Variants in NCKAP5 observed in about 807,000 individuals in gnomAD.
NCKAP5 encodes nck-associated protein 5.
In NCKAP5, 92 loss-of-function variants were observed where a neutral mutation model predicts 167.0. That is an observed-to-expected ratio of 0.55 (90% CI 0.47 to 0.66). The LOEUF is 0.66. Among genes scored for constraint, NCKAP5 ranks in the 30% least tolerant of loss-of-function variants. NCKAP5 has a pLI of 0.00. For missense variants in NCKAP5, 2,378 were observed against 2,315.0 expected (o/e 1.03, Z -0.56); for synonymous variants, 891 against 877.4 (o/e 1.02, Z -0.27).
Position 132,785,430 on chromosome 2 carries a change from A to C in NCKAP5, c.1381T>G (p.Cys461Gly). The C allele has an allele frequency of 6.2e-7, 1 of 1,613,854 alleles. No homozygotes were observed. The highest frequency in any genetic ancestry group is 1.6e-4 in the Middle Eastern group (1 of 6,062). The part of the protein sequence containing the change: ...PCKTADLGSP[C>G]KEPHKTFVYD... ...ACAAATGTCTTGTGGGGTTCCTTGC[A>C]GGGGCTCCCCAGGTCAGCTGTTTTG... Residue 461 changes from cysteine to glycine, a missense_variant, in exon 14 of 20, where the codon TGC becomes GGC. Physicochemically the swap from Cys to Gly is radical, Grantham distance 159 (BLOSUM62 -3). Around this residue, in one of 3 missense-constraint regions of NCKAP5, gnomAD observed 1,049 missense variants for 1,023.4 expected, o/e 1.02. Transcript: ENST00000409261.
chr2:133,295,855 A>C (rs532403513), intron 4 of NCKAP5, among the ~76,000 whole-genome samples: 1 of 152,324 alleles, frequency 6.6e-6, no homozygotes, highest in African/African-American at 2.4e-5. Flanking sequence ...GGCACTCTGC[A>C]TTCAGATTTT....
intron 5 of NCKAP5, among the ~76,000 whole-genome samples, chr2:133,181,603 C>CAAAAAAAAAAAAAAAAAAAAAAAAAAA (rs34264277): frequency 1.4e-5 from 1 of 71,158 alleles, no homozygotes; most frequent in African/African-American, 5.8e-5. Flanking sequence ...CCCATCTCTA[C>CAAAAAAAAAAAAAAAAAAAAAAAAAAA]AAAAAAAAAA....
intron 11 of NCKAP5, among the ~76,000 whole-genome samples, chr2:132,837,206 T>G (rs1297490212): frequency 6.6e-6 from 1 of 152,192 alleles, no homozygotes; most frequent in African/African-American, 2.4e-5. Context: ...TTCCCCCATG[T>G]GTTCTAAAGC....
At chr2:132,825,726 G>A (rs1687079530) in intron 11 of NCKAP5, among the ~76,000 whole-genome samples, 1 of 152,206 alleles carries the variant, frequency 6.6e-6, no homozygotes, top group African/African-American at 2.4e-5. Context: ...GTCTTACTGT[G>A]AGATGGGAGG....
In NCKAP5 at chr2:132,782,972, G is replaced by A. The variant is rs780909681; in HGVS notation, c.3839C>T (p.Thr1280Ile). The change falls in exon 14 of 20, where the codon ACA becomes ATA. Residue 1280 changes from threonine to isoleucine, a missense_variant. By Grantham distance (89) the Thr-to-Ile change is moderately conservative. Around this residue, in one of 3 missense-constraint regions of NCKAP5, gnomAD observed 1,325 missense variants for 1,274.5 expected, o/e 1.04. Transcript: ENST00000409261. The part of the protein sequence containing the change: ...GAKARSHSFS[T>I]HSGDKPSTPP... ...CGTAGAAGGCTTGTCTCCTGAGTGT[G>A]TACTGAAGCTGTGGCTGCGGGCTTT... is the stretch of plus-strand genomic sequence containing the variant. 1.9e-6 allele frequency: 3 copies of A among 1,613,874 alleles called. No homozygotes were observed. The highest frequency in any genetic ancestry group is 1.3e-5 in the African/African-American group (1 of 74,938).
chr2:133,074,837 A>G (rs1374393238), intron 6 of NCKAP5, among the ~76,000 whole-genome samples: 1 of 152,200 alleles, frequency 6.6e-6, no homozygotes, highest in Admixed American at 6.5e-5. Context: ...TCAGAGACCT[A>G]TGGGACACTA....
intron 8 of NCKAP5, 88 bp from the exon 9 acceptor site, chr2:132,879,004 TC>T (rs1691542677): frequency 1.0e-6 from 1 of 988,594 alleles, no homozygotes; most frequent in Non-Finnish European, 1.6e-6. Flanking sequence ...TAAATATATC[TC>T]CTCGTGATCC....
the NCKAP5 span, among the ~76,000 whole-genome samples, chr2:133,613,883 T>C: frequency 6.6e-6 from 1 of 152,214 alleles, no homozygotes; most frequent in South Asian, 2.1e-4. Context: ...TAGAAAACAG[T>C]ACTCCTTTTC....
At chr2:132,808,365 T>G (rs960194779) in intron 11 of NCKAP5, among the ~76,000 whole-genome samples, 1 of 150,378 alleles carries the variant, frequency 6.6e-6, no homozygotes, top group Non-Finnish European at 1.5e-5. Flanking sequence ...CAGGTAGAAT[T>G]CTGCTATGAA....
At chr2:132,696,195 G>C (rs2105191519) in intron 19 of NCKAP5, among the ~76,000 whole-genome samples, 1 of 152,318 alleles carries the variant, frequency 6.6e-6, no homozygotes, top group East Asian at 1.9e-4. Context: ...CTCCAGAGAA[G>C]GGCAGATTTC....
At chr2:132,932,343 T>C (rs1696446131) in intron 8 of NCKAP5, among the ~76,000 whole-genome samples, 2 of 152,250 alleles carry the variant, frequency 1.3e-5, no homozygotes, top group African/African-American at 4.8e-5. Flanking sequence ...TGTGTGTGGG[T>C]GTGTGTATCT....
intron 3 of NCKAP5, among the ~76,000 whole-genome samples, chr2:133,330,164 T>C (rs1463241661): frequency 7.2e-6 from 1 of 139,266 alleles, no homozygotes; most frequent in East Asian, 2.3e-4. Flanking sequence ...CATCCCAGGC[T>C]CAAGTGATCC....
At chr2:133,168,202 T>C (rs1026112631) in intron 5 of NCKAP5, among the ~76,000 whole-genome samples, 1 of 152,116 alleles carries the variant, frequency 6.6e-6, no homozygotes, top group Admixed American at 6.5e-5. Context: ...CCCACGCACT[T>C]AATCACTACC....
intron 8 of NCKAP5, among the ~76,000 whole-genome samples, chr2:132,918,660 C>T (rs773653548): frequency 6.6e-6 from 1 of 152,078 alleles, no homozygotes; most frequent in Non-Finnish European, 1.5e-5. Context: ...CAAAGCTTTG[C>T]ATTTCTCTAG....
At chr2:133,603,466 C>G in the NCKAP5 span, among the ~76,000 whole-genome samples, 1 of 152,158 alleles carries the variant, frequency 6.6e-6, no homozygotes, top group Non-Finnish European at 1.5e-5. Flanking sequence ...CTCAGTTGAT[C>G]CGCCTATCTC....
At chr2:132,921,118 T>A (rs1695394654) in intron 8 of NCKAP5, among the ~76,000 whole-genome samples, 1 of 151,938 alleles carries the variant, frequency 6.6e-6, no homozygotes, top group Non-Finnish European at 1.5e-5. Context: ...CCTTGGTTTT[T>A]CTCATCCTCT....
At chr2:132,989,323 GTTCCCTAAT>G (rs2149293816) in intron 7 of NCKAP5, among the ~76,000 whole-genome samples, 1 of 152,156 alleles carries the variant, frequency 6.6e-6, no homozygotes, top group South Asian at 2.1e-4. Context: ...TCTAACATAA[GTTCCCTAAT>G]TTACTTAATT....
chr2:132,760,638 T>C (rs1390506148), intron 16 of NCKAP5, among the ~76,000 whole-genome samples: 1 of 150,196 alleles, frequency 6.7e-6, no homozygotes, highest in Non-Finnish European at 1.5e-5. Context: ...GAGTTTCTAT[T>C]GTGAGTTAAT....
chr2:133,053,477 A>C (rs1460760638), intron 6 of NCKAP5, among the ~76,000 whole-genome samples: 1 of 152,222 alleles, frequency 6.6e-6, no homozygotes, highest in Non-Finnish European at 1.5e-5. Context: ...TTATTTTACA[A>C]TTAAATGCTT....
Sources: allele counts gnomAD v4.1 joint callset (sites outside exome capture counted in the v4.1 genomes callset), GRCh38; gene constraint gnomAD v4.1.1; regional missense constraint gnomAD v4.1.1; transcripts MANE v1.5; gene names NCBI Gene and HGNC (gene_info 2026-07-23, HGNC 2026-07-21).